The following CXCL3 variants were observed in gnomAD, a reference collection of about 807,000 sequenced individuals.
The protein encoded by CXCL3 is C-X-C motif chemokine 3.
Under a neutral mutation model 11.5 loss-of-function variants are expected in CXCL3, and 10 were observed. That is an observed-to-expected ratio of 0.87 (90% CI 0.54 to 1.48). The LOEUF (loss-of-function observed/expected upper bound fraction) is 1.48, where lower values mean the gene tolerates loss of function less well. Among genes scored for constraint, CXCL3 ranks in the 40% most tolerant of loss-of-function variants. The pLI, the probability that CXCL3 is intolerant of heterozygous loss-of-function variation, is 0.00. For missense variants in CXCL3, 149 were observed against 139.1 expected (o/e 1.07, Z -0.36); for synonymous variants, 61 against 60.9 (o/e 1.00, Z -0.01).
chr4:74,037,338 G>A (rs1404252839), intron 3 of CXCL3, 61 bp from the exon 4 acceptor site: 33 of 1,608,390 alleles, frequency 2.1e-5, no homozygotes, highest in Non-Finnish European at 2.7e-5. Flanking sequence ...CTGTCACTCT[G>A]AAGTTGCTTG....
chr4:74,037,371 C>T, intron 3 of CXCL3, 94 bp from the exon 4 acceptor site: 2 of 1,468,404 alleles, frequency 1.4e-6, no homozygotes, highest in South Asian at 1.1e-5. Context: ...CATGCAGACT[C>T]TCTCCCAGCC....
Position 74,038,167 on chromosome 4 carries a change from G to C in CXCL3, c.234C>G (p.Leu78=), listed in dbSNP as rs1578192667. The change falls in exon 3 of 4, where the codon CTC becomes CTG. Residue 78 remains leucine (L), a synonymous_variant. Coordinates refer to ENST00000296026, the MANE Select transcript of CXCL3 (RefSeq NM_002090.3). ...TGAGACAAGCTTTCTTCCCATTCTT[G>C]AGTGTGGCTCTGCAGAGAGAAGGGA... The part of the protein sequence containing the change: ...HCAQTEVIAT[L]KNGKKACLNP... 1.9e-6 allele frequency: 3 copies of C among 1,614,116 alleles called. No homozygotes were observed. The highest frequency in any genetic ancestry group is 2.2e-5 in the South Asian group (2 of 91,064).
At chr4:74,037,986 T>C (rs1578192564) in intron 3 of CXCL3, 107 bp downstream of exon 3, 1 of 1,117,446 alleles carries the variant, frequency 8.9e-7, no homozygotes, top group Non-Finnish European at 1.3e-6. Context: ...CAATTTCTAG[T>C]CCTTCAGCTA....
Position 74,038,113 on chromosome 4 carries a change from G to A in CXCL3, c.288C>T (p.Ile96=). The part of the protein sequence containing the change: ...LNPASPMVQK[I]IEKILNKGST... ...CTCACTTGTTCAGTATCTTTTCGAT[G>A]ATTTTCTGAACCATGGGGGATGCGG... Residue 96 remains isoleucine, a synonymous_variant, in exon 3 of 4, where the codon ATC becomes ATT. Transcript: ENST00000296026. 6.2e-7 allele frequency: 1 copy of A among 1,614,086 alleles called. No individual in the cohort carries two copies. The highest frequency in any genetic ancestry group is 8.5e-7 in the Non-Finnish European group (1 of 1,179,990).
rs760736689 is a variant in CXCL3, at chr4:74,038,322, G to C, written c.192C>G (p.Ser64=). The C allele has an allele frequency of 2.5e-6, 4 of 1,614,006 alleles. No homozygotes were observed. The African/African-American group carries it at 5.3e-5, about 22-fold the overall frequency. Reference sequence around the variant, plus strand: ...CGGTTTGGGCGCAGTGGGGTCCGGGGGACCTTACATTCACACTTTGGATGT... The same window carrying C: ...CGGTTTGGGCGCAGTGGGGTCCGGGCGACCTTACATTCACACTTTGGATGT... ...LKNIQSVNVR[S]PGPHCAQTEV... Residue 64 remains serine (S), a synonymous_variant, in exon 2 of 4, where the codon TCC becomes TCG. Transcript: ENST00000296026.
intron 3 of CXCL3, 198 bp from the exon 4 acceptor site, chr4:74,037,475 T>A: frequency 1.8e-6 from 1 of 557,192 alleles, no homozygotes; most frequent in Non-Finnish European, 3.1e-6. Context: ...AAGAAAGAAG[T>A]GGCTGTGGAC....
chr4:74,037,411 A>T (rs1720018746), intron 3 of CXCL3, 134 bp from the exon 4 acceptor site: 1 of 840,796 alleles, frequency 1.2e-6, no homozygotes, highest in Non-Finnish European at 1.8e-6. Flanking sequence ...GTCTGTACCC[A>T]CTGCCTTCTA....
Position 74,037,062 on chromosome 4 carries a change from A to G in CXCL3, c.*200T>C. On this transcript the variant is annotated 3_prime_UTR_variant, in exon 4 of 4. Coordinates refer to ENST00000296026, the MANE Select transcript of CXCL3 (RefSeq NM_002090.3). ...CTCACATCTTTAAATAACAGCATGT[A>G]AAATATTAAAATACAAGCTTTCAAA... 1.8e-6 allele frequency: 1 copy of G among 549,210 alleles called. No individual in the cohort carries two copies. The highest frequency in any genetic ancestry group is 3.1e-5 in the East Asian group (1 of 32,636). 34.0% of individuals were successfully genotyped at this position (549,210 alleles called of 1,614,324 possible).
At position 74,038,518 on chromosome 4, in the gene CXCL3, C is replaced by A. The variant is rs1441092601; in HGVS notation, c.94G>T (p.Ala32Ser). ...LLLLVAASRR[A>S]AGASVVTELR... ...CCAGGGCGCCGGGACCCACCTGCTGCGCGCCGGCTGGCGGCCACCAGGAGC... is the reference window on the plus strand; with the variant it reads ...CCAGGGCGCCGGGACCCACCTGCTGAGCGCCGGCTGGCGGCCACCAGGAGC... Residue 32 changes from alanine (A) to serine (S), a missense_variant, in exon 1 of 4, where the codon GCA becomes TCA. Ala to Ser is a moderately conservative substitution (Grantham distance 99, BLOSUM62 1). Transcript: ENST00000296026. 1 of 1,485,444 alleles carries A rather than the reference C, an allele frequency of 6.7e-7. No homozygotes were observed. Among genetic ancestry groups the A allele is most frequent in the Admixed American group, 2.5e-5 (1 of 39,920 alleles). The allele number at this position is 1,485,444 out of a possible 1,614,324, so 92.0% of individuals were successfully genotyped here.
chr4:74,038,612 G>A lies in CXCL3; in HGVS notation c.-1C>T. Reference sequence around the variant, plus strand: ...CGGCGGAGAGCGTGGCGTGGGCCATGGGGCTCAGCAGACGCGTCGGGAAGC... The same window carrying A: ...CGGCGGAGAGCGTGGCGTGGGCCATAGGGCTCAGCAGACGCGTCGGGAAGC... On this transcript the variant is annotated 5_prime_UTR_variant, in exon 1 of 4. Transcript: ENST00000296026. 1.4e-6 allele frequency: 2 copies of A among 1,456,470 alleles called. No homozygotes were observed. The highest frequency in any genetic ancestry group is 1.8e-6 in the Non-Finnish European group (2 of 1,109,852). The allele number at this position is 1,456,470 out of a possible 1,614,324, so 90.2% of individuals were successfully genotyped here.
Position 74,038,167 on chromosome 4 carries a change from G to A in CXCL3, c.234C>T (p.Leu78=). ...HCAQTEVIAT[L]KNGKKACLNP... ...TGAGACAAGCTTTCTTCCCATTCTT[G>A]AGTGTGGCTCTGCAGAGAGAAGGGA... The change falls in exon 3 of 4, where the codon CTC becomes CTT. Residue 78 remains leucine (L), a synonymous_variant. Coordinates refer to ENST00000296026, the MANE Select transcript of CXCL3 (RefSeq NM_002090.3). The A allele has an allele frequency of 1.2e-6, 2 of 1,614,116 alleles. No homozygotes were observed. The highest frequency in any genetic ancestry group is 1.7e-6 in the Non-Finnish European group (2 of 1,180,022).
chr4:74,038,200 G>A lies in CXCL3; in HGVS notation c.225-24C>T, dbSNP rs771527719. 3.7e-6 allele frequency: 6 copies of A among 1,613,870 alleles called. No individual in the cohort carries two copies. The Admixed American group carries it at 6.7e-5, about 18-fold the overall frequency. On this transcript the variant is annotated intron_variant, in intron 2 of 3. Transcript: ENST00000296026. ...CTCTGCAGAGAGAAGGGAATTCCGT[G>A]AGACAGGAGGTCGGGCTGGGGACAG...
In CXCL3 at chr4:74,038,297, C is replaced by T. The variant is rs202147554; in HGVS notation, c.217G>A (p.Glu73Lys). The change falls in exon 2 of 4, where the codon GAA (glutamate) becomes AAA (lysine). Residue 73 changes from glutamate to lysine, a missense_variant. Coordinates refer to ENST00000296026, the MANE Select transcript of CXCL3 (RefSeq NM_002090.3). ...GCGCGGGGCGGGACTTACATGACTT[C>T]GGTTTGGGCGCAGTGGGGTCCGGGG... ...RSPGPHCAQT[E>K]VIATLKNGKK... The T allele has an allele frequency of 5.0e-6, 8 of 1,613,976 alleles. No individual in the cohort carries two copies. Among genetic ancestry groups the T allele is most frequent in the Non-Finnish European group, 6.8e-6 (8 of 1,179,950 alleles).
Position 74,038,330 on chromosome 4 carries a change from C to A in CXCL3, c.184G>T (p.Val62Leu). Residue 62 changes from valine (V) to leucine (L), a missense_variant, in exon 2 of 4, where the codon GTA (valine) becomes TTA (leucine). By Grantham distance (32) the Val-to-Leu change is conservative. Coordinates refer to ENST00000296026, the MANE Select transcript of CXCL3 (RefSeq NM_002090.3). The part of the protein sequence containing the change: ...IHLKNIQSVN[V>L]RSPGPHCAQT... Reference sequence around the variant, plus strand: ...GCGCAGTGGGGTCCGGGGGACCTTACATTCACACTTTGGATGTTCTTGAGG... The same window carrying A: ...GCGCAGTGGGGTCCGGGGGACCTTAAATTCACACTTTGGATGTTCTTGAGG... 6.2e-7 allele frequency: 1 copy of A among 1,614,160 alleles called. No homozygotes were observed. The highest frequency in any genetic ancestry group is 1.3e-5 in the African/African-American group (1 of 75,060).
rs376832730 is a variant in CXCL3, at chr4:74,038,331, A to C, written c.183T>G (p.Asn61Lys). The change falls in exon 2 of 4, where the codon AAT becomes AAG. Residue 61 changes from asparagine (N) to lysine (K), a missense_variant. By Grantham distance (94) the Asn-to-Lys change is moderately conservative. Transcript: ENST00000296026. The stretch of plus-strand genomic sequence containing the variant: ...CGCAGTGGGGTCCGGGGGACCTTAC[A>C]TTCACACTTTGGATGTTCTTGAGGT... ...GIHLKNIQSV[N>K]VRSPGPHCAQ... 2.4e-5 allele frequency: 38 copies of C among 1,614,018 alleles called. No homozygotes were observed. Among genetic ancestry groups the C allele is most frequent in the Non-Finnish European group, 2.8e-5 (33 of 1,180,004 alleles).
chr4:74,037,251 C>A lies in CXCL3; in HGVS notation c.*11G>T. On this transcript the variant is annotated 3_prime_UTR_variant, in exon 4 of 4. Coordinates refer to ENST00000296026, the MANE Select transcript of CXCL3 (RefSeq NM_002090.3). Reference sequence around the variant, plus strand: ...CAATGATACGCTGATAAGCTTCTTACTTCTCTCCTGTCAGTTGGTGCTCCC... The same window carrying A: ...CAATGATACGCTGATAAGCTTCTTAATTCTCTCCTGTCAGTTGGTGCTCCC... 6.2e-7 allele frequency: 1 copy of A among 1,614,066 alleles called. No homozygotes were observed. Among genetic ancestry groups the A allele is most frequent in the Non-Finnish European group, 8.5e-7 (1 of 1,179,972 alleles).
At position 74,038,219 on chromosome 4, in the gene CXCL3, G is replaced by A. The variant is rs778809699; in HGVS notation, c.225-43C>T. The A allele has an allele frequency of 5.0e-6, 8 of 1,613,922 alleles. No individual in the cohort carries two copies. In the East Asian group the frequency reaches 1.1e-4, roughly 22 times the overall value. On this transcript the variant is annotated intron_variant, in intron 2 of 3. Coordinates refer to ENST00000296026, the MANE Select transcript of CXCL3 (RefSeq NM_002090.3). ...TTCCGTGAGACAGGAGGTCGGGCTG[G>A]GGACAGGGTTGGGGCAGCGGGAGAG...
chr4:74,038,603 G>A lies in CXCL3; in HGVS notation c.9C>T (p.His3=). Residue 3 remains histidine (H), a synonymous_variant, in exon 1 of 4, where the codon CAC becomes CAT. Transcript: ENST00000296026. MA[H]ATLSAAPSNP... is the part of the protein sequence containing the mutation. Reference sequence around the variant, plus strand: ...TGCTGGGGGCGGCGGAGAGCGTGGCGTGGGCCATGGGGCTCAGCAGACGCG... The same window carrying A: ...TGCTGGGGGCGGCGGAGAGCGTGGCATGGGCCATGGGGCTCAGCAGACGCG... The A allele has an allele frequency of 2.7e-6, 4 of 1,478,954 alleles. No individual in the cohort carries two copies. Among genetic ancestry groups the A allele is most frequent in the South Asian group, 1.3e-5 (1 of 75,580 alleles). The allele number at this position is 1,478,954 out of a possible 1,614,324, so 91.6% of individuals were successfully genotyped here. A position where few individuals can be genotyped will look rare whatever the true frequency, so the allele number is the denominator to read the frequency against.
chr4:74,037,209 C>A lies in CXCL3; in HGVS notation c.*53G>T. 6.2e-7 allele frequency: 1 copy of A among 1,604,790 alleles called. No individual in the cohort carries two copies. Among genetic ancestry groups the A allele is most frequent in the Non-Finnish European group, 8.5e-7 (1 of 1,171,674 alleles). Reference sequence around the variant, plus strand: ...TTTCAGCTCTGGTAAGGGCAGGGACCACCCTGCAGGAAGTGTCAATGATAC... The same window carrying A: ...TTTCAGCTCTGGTAAGGGCAGGGACAACCCTGCAGGAAGTGTCAATGATAC... On this transcript the variant is annotated 3_prime_UTR_variant, in exon 4 of 4. Coordinates refer to ENST00000296026, the MANE Select transcript of CXCL3 (RefSeq NM_002090.3).
Sources: gnomAD v4.1 joint callset for allele counts on GRCh38, gnomAD v4.1.1 for gene constraint, MANE v1.5 for transcripts, NCBI Gene and HGNC (gene_info 2026-07-23, HGNC 2026-07-21) for gene names.